RALYL: variants seen among roughly 807,000 people sequenced by gnomAD.
The protein encoded by RALYL is RNA-binding Raly-like protein.
A neutral mutation model predicts 35.1 loss-of-function variants in RALYL; 29 were observed. The ratio of observed to expected loss-of-function variants is 0.83; its 90% CI spans 0.61 to 1.13. The LOEUF (loss-of-function observed/expected upper bound fraction) is 1.13, where lower values mean the gene tolerates loss of function less well. RALYL is among the 50% of genes most tolerant of loss of function. RALYL has a pLI of 0.00. For missense variants in RALYL, 359 were observed against 360.4 expected, an observed-to-expected ratio of 1.00 and a Z score of 0.03; for synonymous variants, 120 against 127.6, an observed-to-expected ratio of 0.94 and a Z score of 0.40.
intron 5 of RALYL, among the ~76,000 whole-genome samples, chr8:84,852,564 T>G (rs930647595): frequency 7.2e-5 from 11 of 152,194 alleles, no homozygotes; most frequent in African/African-American, 2.7e-4. Context: ...TTATACTCTG[T>G]CTATATAAAA....
At chr8:84,598,919 G>A (rs959500564) in intron 2 of RALYL, among the ~76,000 whole-genome samples, 3 of 151,996 alleles carry the variant, frequency 2.0e-5, no homozygotes, top group South Asian at 4.1e-4. Context: ...CTCTCTCCAC[G>A]TTCTAGCTAG....
At chr8:84,322,537 C>A (rs1460132633) in intron 1 of RALYL, among the ~76,000 whole-genome samples, 1 of 152,040 alleles carries the variant, frequency 6.6e-6, no homozygotes. Context: ...GAAACTGAGA[C>A]TCGAAGAATA....
intron 2 of RALYL, among the ~76,000 whole-genome samples, chr8:84,724,061 T>C (rs1375909635): frequency 2.0e-5 from 3 of 151,820 alleles, no homozygotes; most frequent in Non-Finnish European, 4.4e-5. Flanking sequence ...ATGAATTCAG[T>C]AATATTGTTG....
intron 1 of RALYL, among the ~76,000 whole-genome samples, chr8:84,514,391 A>T (rs182515745): frequency 1.1e-4 from 17 of 152,266 alleles, no homozygotes; most frequent in Middle Eastern, 6.8e-3. Context: ...AGTATTTGAG[A>T]TAGAGTAATA....
intron 1 of RALYL, among the ~76,000 whole-genome samples, chr8:84,388,412 C>T (rs1441602448): frequency 1.3e-5 from 2 of 152,088 alleles, no homozygotes; most frequent in African/African-American, 2.4e-5. Flanking sequence ...CCTGAGGAAT[C>T]GCCACACTGA....
chr8:84,192,607 G>C (rs145562282), intron 1 of RALYL, among the ~76,000 whole-genome samples: 10 of 151,512 alleles, frequency 6.6e-5, no homozygotes, highest in African/African-American at 9.7e-5. Context: ...GCCTAGGCTA[G>C]AGTGCAGTGA....
Position 84,626,152 on chromosome 8 carries a change from A to G in RALYL, c.256+96575A>G, listed in dbSNP as rs1375890592. On this transcript the variant is annotated intron_variant, in intron 2 of 8. Coordinates refer to ENST00000521268, the MANE Select transcript of RALYL (RefSeq NM_173848.7). Reference sequence around the variant, plus strand: ...GAGATAAGAGATAACACTCAGTACTATAGTTTGACTTTTGAACTTTTGTAA... The same window carrying G: ...GAGATAAGAGATAACACTCAGTACTGTAGTTTGACTTTTGAACTTTTGTAA... Among the ~76,000 whole-genome samples, 3 of 152,224 alleles carry G rather than the reference A, an allele frequency of 2.0e-5. No homozygotes were observed. The South Asian group carries it at 6.2e-4, about 31-fold the overall frequency.
chr8:84,650,335 TA>T lies in RALYL; in HGVS notation c.256+120760del, dbSNP rs528295330. 1.4e-3 allele frequency among the ~76,000 whole-genome samples: 208 copies of T among 152,106 alleles called. 1 individual carries two copies. Among genetic ancestry groups the T allele is most frequent in the African/African-American group, 4.9e-3 (203 of 41,514 alleles). On this transcript the variant is annotated intron_variant, in intron 2 of 8. Coordinates refer to ENST00000521268, the MANE Select transcript of RALYL (RefSeq NM_173848.7). ...GCAACCTACTCATCTGACAAAGGGC[TA>T]ATATCCAGAATCTACAATGAACTCA... is the stretch of plus-strand genomic sequence containing the variant.
At chr8:84,382,696 C>T (rs1290970728) in intron 1 of RALYL, among the ~76,000 whole-genome samples, 1 of 151,598 alleles carries the variant, frequency 6.6e-6, no homozygotes, top group East Asian at 1.9e-4. Context: ...CAGCTGCCAA[C>T]TTGAAATGCC....
At chr8:84,662,344 G>T (rs1478734604) in intron 2 of RALYL, among the ~76,000 whole-genome samples, 1 of 152,022 alleles carries the variant, frequency 6.6e-6, no homozygotes, top group Non-Finnish European at 1.5e-5. Context: ...TCAGTTTATA[G>T]ATCTTATTTG....
intron 2 of RALYL, among the ~76,000 whole-genome samples, chr8:84,772,520 G>T (rs552402523): frequency 6.6e-6 from 1 of 151,916 alleles, no homozygotes; most frequent in South Asian, 2.1e-4. Context: ...TTTCAATACA[G>T]TTTTATAATT....
At chr8:84,302,759 G>C (rs1442217667) in intron 1 of RALYL, among the ~76,000 whole-genome samples, 1 of 152,182 alleles carries the variant, frequency 6.6e-6, no homozygotes, top group South Asian at 2.1e-4. Flanking sequence ...ATCTGCAGGG[G>C]AGTTTAATTA....
chr8:84,525,879 A>G (rs2058842019), intron 1 of RALYL, among the ~76,000 whole-genome samples: 2 of 150,954 alleles, frequency 1.3e-5, no homozygotes. Context: ...TAAGATCTGT[A>G]GGAGTTTTTG....
intron 4 of RALYL, among the ~76,000 whole-genome samples, chr8:84,816,025 T>C (rs1400613865): frequency 9.7e-6 from 1 of 102,928 alleles, no homozygotes; most frequent in Non-Finnish European, 1.8e-5. Context: ...AGAGAGAGAC[T>C]CTGTCTCAAA....
chr8:84,244,539 C>T (rs1389976913), intron 1 of RALYL, among the ~76,000 whole-genome samples: 2 of 152,156 alleles, frequency 1.3e-5, no homozygotes, highest in Non-Finnish European at 2.9e-5. Flanking sequence ...TTAAGCTATT[C>T]TGAGGTACAA....
chr8:84,268,392 G>C (rs1019839592), intron 1 of RALYL, among the ~76,000 whole-genome samples: 1 of 152,106 alleles, frequency 6.6e-6, no homozygotes, highest in Non-Finnish European at 1.5e-5. Flanking sequence ...AAAACTCATT[G>C]GCAATTTAAT....
At chr8:84,401,098 T>C (rs866071244) in intron 1 of RALYL, among the ~76,000 whole-genome samples, 1 of 152,158 alleles carries the variant, frequency 6.6e-6, no homozygotes, top group Non-Finnish European at 1.5e-5. Flanking sequence ...AATACAAAGT[T>C]TGAAAATCAC....
chr8:84,842,663 A>C (rs995624378), intron 4 of RALYL, among the ~76,000 whole-genome samples: 4 of 152,298 alleles, frequency 2.6e-5, no homozygotes, highest in East Asian at 1.9e-4. Context: ...GAGACACAAC[A>C]GAAAAAGAGA....
At chr8:84,846,135 T>A (rs1163593605) in intron 4 of RALYL, among the ~76,000 whole-genome samples, 1 of 152,098 alleles carries the variant, frequency 6.6e-6, no homozygotes, top group Non-Finnish European at 1.5e-5. Flanking sequence ...TTGTTGTTGT[T>A]GTTCCCTATG....
Sources: gnomAD v4.1 joint callset for allele counts (sites outside exome capture counted in the v4.1 genomes callset) on GRCh38, gnomAD v4.1.1 for gene constraint, MANE v1.5 for transcripts, NCBI Gene and HGNC (gene_info 2026-07-23, HGNC 2026-07-21) for gene names.